Variants in DMAP1 observed in about 807,000 individuals in gnomAD.
DMAP1 encodes DNA methyltransferase 1 associated protein 1.
In DMAP1, 26 loss-of-function variants were observed where a neutral mutation model predicts 52.7. The observed-to-expected ratio is 0.49, with a 90% CI of 0.36 to 0.68. DMAP1 has a LOEUF of 0.68. Ranked by LOEUF, DMAP1 falls within the 30% of genes least tolerant of loss-of-function variation. The pLI, the probability that DMAP1 is intolerant of heterozygous loss-of-function variation, is 0.00. For synonymous variants in DMAP1, 231 were observed against 246.0 expected, an observed-to-expected ratio of 0.94 and a Z score of 0.57; for missense variants, 439 against 625.2, an observed-to-expected ratio of 0.70 and a Z score of 3.18.
At chr1:44,220,428 G>T in intron 9 of DMAP1, 119 bp downstream of exon 9, 1 of 1,563,556 alleles carries the variant, frequency 6.4e-7, no homozygotes, top group Non-Finnish European at 8.7e-7. Flanking sequence ...ACTTCTGTGC[G>T]AGTCTGAGAC....
At chr1:44,219,699 C>G in intron 7 of DMAP1, 107 bp from the exon 8 acceptor site, 2 of 1,384,950 alleles carry the variant, frequency 1.4e-6, no homozygotes, top group Non-Finnish European at 2.0e-6. Context: ...TAGTTAACCT[C>G]CATGTGTTAC....
rs745749426 is a variant in DMAP1, at chr1:44,220,227, C to T, written c.1262C>T (p.Pro421Leu). Reference sequence around the variant, plus strand: ...GGCCCAGGCCCGGCCTCTGCTGAGCCGGCAGTGACTGAACCCGGACTTGGT... The same window carrying T: ...GGCCCAGGCCCGGCCTCTGCTGAGCTGGCAGTGACTGAACCCGGACTTGGT... ...ASGPGPASAE[P>L]AVTEPGLGPD... Residue 421 changes from proline to leucine, a missense_variant, in exon 9 of 10, where the codon CCG becomes CTG. Pro to Leu is a moderately conservative substitution (Grantham distance 98). Around this residue, in one of 3 missense-constraint regions of DMAP1, gnomAD observed 179 missense variants for 285.9 expected, o/e 0.63. Transcript: ENST00000372289. The T allele has an allele frequency of 1.4e-5, 22 of 1,588,310 alleles. No homozygotes were observed. The Admixed American group carries it at 2.6e-4, about 19-fold the overall frequency.
chr1:44,218,048 G>C lies in DMAP1; in HGVS notation c.394-263G>C, dbSNP rs1401600048. ...TGTGGGCCCCTCACCTTAACTATGG[G>C]GGCAGGAGTGTGTGTCCCATGACTG... is the stretch of plus-strand genomic sequence containing the variant. On this transcript the variant is annotated intron_variant, in intron 3 of 9. Coordinates refer to ENST00000372289, the MANE Select transcript of DMAP1 (RefSeq NM_019100.5). This position sits in a 1 kb window ranked among gnomAD's most constrained non-coding sequence, Gnocchi z 5.6. 2 of 567,786 alleles carry C rather than the reference G, an allele frequency of 3.5e-6. No homozygotes were observed. The highest frequency in any genetic ancestry group is 3.7e-5 in the African/African-American group (2 of 53,612). 35.2% of individuals were successfully genotyped at this position (567,786 alleles called of 1,614,324 possible).
Position 44,218,617 on chromosome 1 carries a change from G to T in DMAP1, c.582G>T (p.Arg194=). Residue 194 remains arginine, a synonymous_variant, in exon 5 of 10, where the codon CGG becomes CGT. Transcript: ENST00000372289. The surrounding 1 kb of genome is among the most constrained non-coding windows in gnomAD (Gnocchi z 5.6). ...GTTCTGTGGAAGACCTGAAGGAGCG[G>T]TACTACCACATCTGTGCTAAGCTTG... is the stretch of plus-strand genomic sequence containing the variant. The part of the protein sequence containing the change: ...KKRSVEDLKE[R]YYHICAKLAN... 2.2e-5 allele frequency: 36 copies of T among 1,612,910 alleles called. No homozygotes were observed. Among genetic ancestry groups the T allele is most frequent in the Non-Finnish European group, 3.1e-5 (36 of 1,179,024 alleles).
rs1193824902 is a variant in DMAP1 at position 44,218,456 on chromosome 1, A to C, written c.539A>C (p.His180Pro). ...GTTGTTATCCATGACCGGTATGACC[A>C]CCAGCAGTTCAAGGTGAGCCATTGT... The part of the protein sequence containing the change: ...RFVVIHDRYD[H>P]QQFKKRSVED... The change falls in exon 4 of 10, where the codon CAC (histidine) becomes CCC (proline). Residue 180 changes from histidine to proline, a missense_variant. His to Pro is a moderately conservative substitution (Grantham distance 77). Around this residue, in one of 3 missense-constraint regions of DMAP1, gnomAD observed 142 missense variants for 149.5 expected, o/e 0.95. Coordinates refer to ENST00000372289, the MANE Select transcript of DMAP1 (RefSeq NM_019100.5). The surrounding 1 kb of genome is among the most constrained non-coding windows in gnomAD (Gnocchi z 5.6). The C allele has an allele frequency of 6.2e-7, 1 of 1,614,144 alleles. No homozygotes were observed. Among genetic ancestry groups the C allele is most frequent in the Admixed American group, 1.7e-5 (1 of 60,024 alleles).
chr1:44,220,524 G>C (rs1419555400), intron 9 of DMAP1, 35 bp from the exon 10 acceptor site: 1 of 1,614,056 alleles, frequency 6.2e-7, no homozygotes, highest in Non-Finnish European at 8.5e-7. Context: ...GGCCTTGGGG[G>C]GTCACTGACC....
chr1:44,219,148 G>A lies in DMAP1; in HGVS notation c.813G>A (p.Leu271=). ...REKRSQDLQK[L]ITAADTTAEQ... ...AACGCAGCCAGGACCTGCAGAAGCT[G>A]ATCACAGCGGCAGACACCACTGCAG... The change falls in exon 6 of 10, where the codon CTG becomes CTA. Residue 271 remains leucine, a synonymous_variant. Transcript: ENST00000372289. The A allele has an allele frequency of 1.2e-6, 2 of 1,614,226 alleles. No individual in the cohort carries two copies. The highest frequency in any genetic ancestry group is 2.2e-5 in the South Asian group (2 of 91,076).
chr1:44,214,955 G>T, intron 3 of DMAP1, 57 bp downstream of exon 3: 2 of 1,601,224 alleles, frequency 1.2e-6, no homozygotes, highest in East Asian at 2.2e-5. Context: ...TGAGCCATTT[G>T]TGCGAGCTCT....
At position 44,220,047 on chromosome 1, in the gene DMAP1, T is replaced by TG. The variant is rs1397574769; in HGVS notation, c.1083dup (p.His362AlafsTer5). 1 of 1,603,176 alleles carries TG rather than the reference T, an allele frequency of 6.2e-7. No homozygotes were observed. On this transcript the variant is annotated frameshift_variant, in exon 9 of 10. Transcript: ENST00000372289. LOFTEE classifies it high-confidence loss of function. ...AGCCCGACACCTACGGAGGAGCTGGTGCACATGTTCAATGAGCTGCGAAGC... is the reference window on the plus strand; with the variant it reads ...AGCCCGACACCTACGGAGGAGCTGGTGGCACATGTTCAATGAGCTGCGAAGC...
At position 44,218,326 on chromosome 1, in the gene DMAP1, G is replaced by A. The variant is rs145830461; in HGVS notation, c.409G>A (p.Val137Met). ...ARFNKTVQVP[V>M]YSEQEYQLYL... ...GTGCTAGTAGACTGTGCAGGTGCCT[G>A]TGTACTCGGAGCAGGAGTACCAGCT... is the stretch of plus-strand genomic sequence containing the variant. Residue 137 changes from valine (V) to methionine (M), a missense_variant, in exon 4 of 10, where the codon GTG becomes ATG. This residue lies in a region of DMAP1 where 118 missense variants were observed against 189.8 expected (regional missense o/e 0.62). Transcript: ENST00000372289. This position sits in a 1 kb window ranked among gnomAD's most constrained non-coding sequence, Gnocchi z 5.6. 14 of 1,614,246 alleles carry A rather than the reference G, an allele frequency of 8.7e-6. No homozygotes were observed. The highest frequency in any genetic ancestry group is 1.3e-5 in the African/African-American group (1 of 75,068).
chr1:44,214,182 T>A (rs1211737323), intron 1 of DMAP1, among the ~76,000 whole-genome samples, 168 bp from the exon 2 acceptor site: 1 of 152,168 alleles, frequency 6.6e-6, no homozygotes, highest in East Asian at 1.9e-4. Context: ...CTGCTCTGAT[T>A]TGGGCGTAGG....
chr1:44,214,957 G>T, intron 3 of DMAP1, 59 bp downstream of exon 3: 1 of 1,599,746 alleles, frequency 6.3e-7, no homozygotes. Flanking sequence ...AGCCATTTGT[G>T]CGAGCTCTCC....
In DMAP1 at chr1:44,213,738, C is replaced by G; in HGVS notation, c.-16C>G. 3.8e-6 allele frequency: 6 copies of G among 1,564,262 alleles called. No homozygotes were observed. The highest frequency in any genetic ancestry group is 5.2e-6 in the Non-Finnish European group (6 of 1,154,720). ...TGACCCTTGACCTCCGGTGGCTCCC[C>G]CATCTCTCAGGCGCGATGGCTACGG... is the stretch of plus-strand genomic sequence containing the variant. On this transcript the variant is annotated 5_prime_UTR_variant, in exon 1 of 10. Coordinates refer to ENST00000372289, the MANE Select transcript of DMAP1 (RefSeq NM_019100.5). The surrounding 1 kb of genome is among the most constrained non-coding windows in gnomAD (Gnocchi z 4.5).
In DMAP1 at chr1:44,220,638, G is replaced by A; in HGVS notation, c.*20G>A. The stretch of plus-strand genomic sequence containing the variant: ...CCGTGAGAGGCCCCACGGGGTGTGG[G>A]CGACGCTGTTATGTAAATAGAGCTG... On this transcript the variant is annotated 3_prime_UTR_variant, in exon 10 of 10. Coordinates refer to ENST00000372289, the MANE Select transcript of DMAP1 (RefSeq NM_019100.5). 1 of 1,614,112 alleles carries A rather than the reference G, an allele frequency of 6.2e-7. No individual in the cohort carries two copies. Among genetic ancestry groups the A allele is most frequent in the Non-Finnish European group, 8.5e-7 (1 of 1,179,974 alleles).
Position 44,214,427 on chromosome 1 carries a change from C to T in DMAP1, c.183C>T (p.Leu61=). 1 of 1,614,132 alleles carries T rather than the reference C, an allele frequency of 6.2e-7. No homozygotes were observed. The part of the protein sequence containing the change: ...EGMHREVYAL[L]YSDKKDAPPL... ...TGCACCGGGAAGTCTATGCCTTGCT[C>T]TACTCTGACAAGAAGCAAGTATTGG... Residue 61 remains leucine (L), a synonymous_variant, in exon 2 of 10, where the codon CTC becomes CTT. Coordinates refer to ENST00000372289, the MANE Select transcript of DMAP1 (RefSeq NM_019100.5).
chr1:44,217,928 G>C (rs1643827475), intron 3 of DMAP1: 1 of 339,480 alleles, frequency 2.9e-6, no homozygotes, highest in African/African-American at 2.1e-5. Flanking sequence ...CTTCAGATGA[G>C]TTGTATGGAC....
At chr1:44,216,646 C>T (rs1389086079) in intron 3 of DMAP1, 2 of 152,176 alleles carry the variant, frequency 1.3e-5, no homozygotes, top group South Asian at 2.1e-4. Context: ...CCTGAGAGCT[C>T]GAAAGGTTGA....
At chr1:44,215,928 A>C (rs765316355) in intron 3 of DMAP1, 1 of 152,980 alleles carries the variant, frequency 6.5e-6, no homozygotes, top group Non-Finnish European at 1.5e-5. Flanking sequence ...TGCGGCCTGG[A>C]ATAGCCTAGA....
chr1:44,219,383 C>G, intron 6 of DMAP1, 23 bp from the exon 7 acceptor site: 1 of 1,557,364 alleles, frequency 6.4e-7, no homozygotes, highest in South Asian at 1.2e-5. Context: ...ACACCTTGGT[C>G]TCCATAATGC....
Sources: allele counts gnomAD v4.1 joint callset (sites outside exome capture counted in the v4.1 genomes callset), GRCh38; gene constraint gnomAD v4.1.1; regional missense constraint gnomAD v4.1.1; non-coding constraint Gnocchi (gnomAD v3.1); transcripts MANE v1.5; gene names NCBI Gene and HGNC (gene_info 2026-07-23, HGNC 2026-07-21).